Variants in DLGAP4 observed in about 807,000 individuals in gnomAD.
DLGAP4 encodes DLG associated protein 4.
DLGAP4 carries 18 observed loss-of-function variants against 86.9 expected under a neutral mutation model. The ratio of observed to expected loss-of-function variants is 0.21; its 90% CI spans 0.14 to 0.31. The LOEUF is 0.31. Among genes scored for constraint, DLGAP4 ranks in the 10% least tolerant of loss-of-function variants. The probability of loss-of-function intolerance (pLI) is 1.00; values close to 1 mark genes in which losing one functional copy is unlikely to be tolerated. For synonymous variants in DLGAP4, 548 were observed against 574.3 expected (o/e 0.95, Z 0.65); for missense variants, 1,085 against 1,362.6 (o/e 0.80, Z 3.21).
chr20:36,446,747 C>T lies in DLGAP4; in HGVS notation c.1458C>T (p.Ala486=). The T allele has an allele frequency of 6.2e-7, 1 of 1,612,872 alleles. No individual in the cohort carries two copies. The highest frequency in any genetic ancestry group is 2.2e-5 in the East Asian group (1 of 44,860). The change falls in exon 7 of 13, where the codon GCC becomes GCT. Residue 486 remains alanine, a synonymous_variant. Coordinates refer to ENST00000339266, the MANE Select transcript of DLGAP4 (RefSeq NM_001365621.2). ...SDQYEAACES[A]CSEAESTAAE... ...AGTATGAGGCGGCCTGCGAGTCAGC[C>T]TGCAGTGAAGCGGAGTCCACAGCGG... is the stretch of plus-strand genomic sequence containing the variant.
At position 36,439,801 on chromosome 20, in the gene DLGAP4, G is replaced by T. The variant is rs138421401; in HGVS notation, c.1289G>T (p.Cys430Phe). The change falls in exon 5 of 13, where the codon TGT becomes TTT. Residue 430 changes from cysteine (C) to phenylalanine (F), a missense_variant. By Grantham distance (205) the Cys-to-Phe change is radical. Coordinates refer to ENST00000339266, the MANE Select transcript of DLGAP4 (RefSeq NM_001365621.2). ...DSVDMLLPSKCPSWEEDYTPV... is the reference protein window; with the variant it reads ...DSVDMLLPSKFPSWEEDYTPV... ...GTGGACATGCTGCTGCCCTCCAAGT[G>T]TCCGAGCTGGGAAGAGGACTACACC... 17 of 1,613,898 alleles carry T rather than the reference G, an allele frequency of 1.1e-5. No homozygotes were observed. Among genetic ancestry groups the T allele is most frequent in the South Asian group, 7.7e-5 (7 of 91,080 alleles).
intron 7 of DLGAP4, among the ~76,000 whole-genome samples, chr20:36,487,938 A>G (rs549460019): frequency 4.1e-4 from 62 of 152,164 alleles, no homozygotes; most frequent in African/African-American, 1.5e-3. Flanking sequence ...GTGGTGGCTC[A>G]TGCCTGTAAT....
chr20:36,481,001 C>CA lies in DLGAP4; in HGVS notation c.1649-15694dup, dbSNP rs112655095. Among the ~76,000 whole-genome samples, 47 of 147,328 alleles carry CA rather than the reference C, an allele frequency of 3.2e-4. No homozygotes were observed. The East Asian group carries it at 5.1e-3, about 16-fold the overall frequency. On this transcript the variant is annotated intron_variant, in intron 7 of 12. Transcript: ENST00000339266. ...AGCCTGGATGACAGTGAGACTGTCT[C>CA]AAAAAAAAAATGTTGAACTATGAAT...
In DLGAP4 at chr20:36,306,951, G is replaced by C. The variant is rs2147324262; in HGVS notation, c.-304+439G>C. Among the ~76,000 whole-genome samples the C allele has an allele frequency of 6.6e-6, 1 of 152,256 alleles. No homozygotes were observed. Among genetic ancestry groups the C allele is most frequent in the Non-Finnish European group, 1.5e-5 (1 of 67,996 alleles). The stretch of plus-strand genomic sequence containing the variant: ...GGTCAGGCGGACCCCTCCCGTGCCC[G>C]GCCAACCTTGGCGCTTGGGAGAGCA... On this transcript the variant is annotated intron_variant, in intron 1 of 12. Transcript: ENST00000339266. The surrounding 1 kb of genome is among the most constrained non-coding windows in gnomAD (Gnocchi z 4.9).
At chr20:36,336,339 C>T (rs1321283894) in intron 1 of DLGAP4, among the ~76,000 whole-genome samples, 2 of 152,150 alleles carry the variant, frequency 1.3e-5, no homozygotes, top group African/African-American at 4.8e-5. Context: ...GACCCTTGCG[C>T]TTGCTGTTTC....
At chr20:36,448,859 G>A (rs1359807227) in intron 7 of DLGAP4, among the ~76,000 whole-genome samples, 2 of 152,058 alleles carry the variant, frequency 1.3e-5, no homozygotes, top group Non-Finnish European at 2.9e-5. Flanking sequence ...GCTTGAACCC[G>A]GGAGGTAGAG....
At chr20:36,505,535 G>A (rs1049462039) in intron 10 of DLGAP4, among the ~76,000 whole-genome samples, 4 of 151,984 alleles carry the variant, frequency 2.6e-5, no homozygotes, top group East Asian at 3.9e-4. Flanking sequence ...AGCACTTTTC[G>A]AGGCCAAGGC....
chr20:36,369,221 G>A (rs1318354214), intron 2 of DLGAP4, among the ~76,000 whole-genome samples: 1 of 152,224 alleles, frequency 6.6e-6, no homozygotes. Flanking sequence ...GGAGTGCTGG[G>A]TCCTGAGACC....
chr20:36,498,258 A>T (rs1483618903), intron 8 of DLGAP4: 3 of 152,200 alleles, frequency 2.0e-5, no homozygotes, highest in Non-Finnish European at 4.4e-5. Flanking sequence ...AAACAGAGAG[A>T]GAGTTGGCCA....
At chr20:36,396,413 A>ACCC (rs1450311965) in intron 2 of DLGAP4, among the ~76,000 whole-genome samples, 1 of 41,362 alleles carries the variant, frequency 2.4e-5, no homozygotes, top group African/African-American at 7.7e-5. Context: ...CACCACATAC[A>ACCC]CACACACACA....
chr20:36,348,418 CTT>C (rs375363262), intron 1 of DLGAP4, among the ~76,000 whole-genome samples: 1 of 150,122 alleles, frequency 6.7e-6, no homozygotes, highest in African/African-American at 2.4e-5. Context: ...AGCTTACTTT[CTT>C]TTTTTTTTCT....
intron 1 of DLGAP4, among the ~76,000 whole-genome samples, chr20:36,312,416 C>T (rs1163108100): frequency 2.0e-5 from 3 of 152,140 alleles, no homozygotes; most frequent in Non-Finnish European, 2.9e-5. Flanking sequence ...AGCCGCCCCC[C>T]GGCTGCAGTC....
At chr20:36,443,272 G>A (rs2033500749) in intron 6 of DLGAP4, among the ~76,000 whole-genome samples, 4 of 152,160 alleles carry the variant, frequency 2.6e-5, no homozygotes, top group Admixed American at 6.5e-5. Context: ...GGTTGGTGAG[G>A]TTGTGCTGCT....
At chr20:36,369,982 T>C (rs1442620966) in intron 2 of DLGAP4, among the ~76,000 whole-genome samples, 9 of 151,712 alleles carry the variant, frequency 5.9e-5, no homozygotes, top group Non-Finnish European at 2.9e-5. Flanking sequence ...GTGGAGGAGG[T>C]GAGATGAGAA....
chr20:36,317,696 A>T (rs1370906585), intron 1 of DLGAP4, among the ~76,000 whole-genome samples: 2 of 151,388 alleles, frequency 1.3e-5, no homozygotes, highest in Admixed American at 1.3e-4. Context: ...GCCTCAAGCA[A>T]TCCTTCTCTC....
At chr20:36,497,252 C>T (rs1307296642) in intron 8 of DLGAP4, 186 bp downstream of exon 8, 1 of 985,326 alleles carries the variant, frequency 1.0e-6, no homozygotes, top group African/African-American at 1.7e-5. Flanking sequence ...TATCTGTCCA[C>T]ACGTGCTGCT....
intron 7 of DLGAP4, among the ~76,000 whole-genome samples, chr20:36,453,569 G>C (rs1049511462): frequency 8.5e-5 from 13 of 152,082 alleles, no homozygotes; most frequent in Admixed American, 1.3e-4. Context: ...GGGAGGTCGT[G>C]CTGCAGTGAG....
At chr20:36,328,837 G>A (rs190538423) in intron 1 of DLGAP4, among the ~76,000 whole-genome samples, 9 of 151,220 alleles carry the variant, frequency 6.0e-5, no homozygotes, top group Non-Finnish European at 1.2e-4. Context: ...ATACAGTGGC[G>A]CGATCTTGGC....
At chr20:36,384,727 T>C (rs1304510827) in intron 2 of DLGAP4, among the ~76,000 whole-genome samples, 1 of 152,188 alleles carries the variant, frequency 6.6e-6, no homozygotes, top group East Asian at 1.9e-4. Context: ...TGGAACCTCA[T>C]AGAACTTCCT....
Sources: gnomAD v4.1 joint callset for allele counts (sites outside exome capture counted in the v4.1 genomes callset) on GRCh38, gnomAD v4.1.1 for gene constraint, Gnocchi (gnomAD v3.1) non-coding constraint, MANE v1.5 for transcripts, NCBI Gene and HGNC (gene_info 2026-07-23, HGNC 2026-07-21) for gene names.